The following GALNTL6 variants were observed in gnomAD, a reference collection of about 807,000 sequenced individuals.
GALNTL6 encodes the protein polypeptide N-acetylgalactosaminyltransferase-like 6.
A neutral mutation model predicts 73.7 loss-of-function variants in GALNTL6; 46 were observed. That is an observed-to-expected ratio of 0.62 (90% CI 0.49 to 0.80). GALNTL6 has a LOEUF of 0.80. Among genes scored for constraint, GALNTL6 ranks in the 30% least tolerant of loss-of-function variants. The pLI is 0.00. For synonymous variants in GALNTL6, 259 were observed against 263.7 expected, an observed-to-expected ratio of 0.98 and a Z score of 0.17; for missense variants, 604 against 755.0, an observed-to-expected ratio of 0.80 and a Z score of 2.34.
Position 172,587,150 on chromosome 4 carries a change from G to A in GALNTL6, c.554-222211G>A, listed in dbSNP as rs553042033. Among the ~76,000 whole-genome samples, 6 of 152,174 alleles carry A rather than the reference G, an allele frequency of 3.9e-5. No individual in the cohort carries two copies. The South Asian group carries it at 8.3e-4, about 21-fold the overall frequency. ...AGAAAATTGTGTAGAAAAAATGTAC[G>A]ATCCCCTGTTCACCTGTTCTGGTTA... is the stretch of plus-strand genomic sequence containing the variant. On this transcript the variant is annotated intron_variant, in intron 5 of 12. Transcript: ENST00000506823.
At chr4:171,962,612 T>C (rs927369063) in intron 2 of GALNTL6, among the ~76,000 whole-genome samples, 1 of 152,058 alleles carries the variant, frequency 6.6e-6, no homozygotes, top group Admixed American at 6.6e-5. Flanking sequence ...AATTGCCCAC[T>C]CCTTTCCTGG....
At chr4:172,823,352 A>G (rs550539132) in intron 7 of GALNTL6, among the ~76,000 whole-genome samples, 1 of 152,234 alleles carries the variant, frequency 6.6e-6, no homozygotes, top group African/African-American at 2.4e-5. Context: ...TTTTTTCCTA[A>G]TCATTTCAAC....
intron 5 of GALNTL6, among the ~76,000 whole-genome samples, chr4:172,425,627 T>C (rs539161613): frequency 4.6e-5 from 7 of 151,946 alleles, no homozygotes; most frequent in Non-Finnish European, 1.0e-4. Flanking sequence ...TAAGAGCAAA[T>C]AGTACCCTAG....
intron 10 of GALNTL6, among the ~76,000 whole-genome samples, chr4:172,953,822 T>C (rs1050380765): frequency 1.3e-5 from 2 of 152,256 alleles, no homozygotes; most frequent in African/African-American, 4.8e-5. Context: ...TTAAACATTT[T>C]ATTAAAACAT....
chr4:172,274,303 T>A (rs1738756439), intron 3 of GALNTL6, among the ~76,000 whole-genome samples: 1 of 152,214 alleles, frequency 6.6e-6, no homozygotes, highest in Non-Finnish European at 1.5e-5. Flanking sequence ...CCTAGACTAT[T>A]TAAATGATTT....
In GALNTL6 at chr4:172,714,808, G is replaced by T. The variant is rs927928379; in HGVS notation, c.554-94553G>T. 4.6e-5 allele frequency among the ~76,000 whole-genome samples: 7 copies of T among 152,076 alleles called. No homozygotes were observed. In the East Asian group the frequency reaches 1.2e-3, roughly 25 times the overall value. ...CTGGTGGCAATGGGTGAGCGTAAGG[G>T]CTATGCCATCTTAGAAGACTTTATG... is the stretch of plus-strand genomic sequence containing the variant. On this transcript the variant is annotated intron_variant, in intron 5 of 12. Coordinates refer to ENST00000506823, the MANE Select transcript of GALNTL6 (RefSeq NM_001034845.3).
intron 2 of GALNTL6, among the ~76,000 whole-genome samples, chr4:172,092,201 A>T (rs1183908035): frequency 6.6e-6 from 1 of 152,162 alleles, no homozygotes; most frequent in Non-Finnish European, 1.5e-5. Context: ...GCCATGGTTA[A>T]ACATGCAATT....
chr4:172,843,599 T>C (rs1023068202), intron 7 of GALNTL6, among the ~76,000 whole-genome samples: 16 of 152,158 alleles, frequency 1.1e-4, no homozygotes, highest in African/African-American at 3.9e-4. Flanking sequence ...GTTCTGAAAA[T>C]AGCAGTCATT....
chr4:172,670,599 TTGTC>T (rs139676457), intron 5 of GALNTL6, among the ~76,000 whole-genome samples: 2,808 of 152,234 alleles, frequency 0.018, 80 homozygotes, highest in African/African-American at 0.063. Context: ...ATTCCATAGG[TTGTC>T]TGTTCACTTT....
In GALNTL6 at chr4:172,028,277, G is replaced by A. The variant is rs186511572; in HGVS notation, c.139-201379G>A. 3.3e-5 allele frequency among the ~76,000 whole-genome samples: 5 copies of A among 150,724 alleles called. No individual in the cohort carries two copies. The East Asian group carries it at 9.8e-4, about 29-fold the overall frequency. On this transcript the variant is annotated intron_variant, in intron 2 of 12. Coordinates refer to ENST00000506823, the MANE Select transcript of GALNTL6 (RefSeq NM_001034845.3). ...TGATGAATTGCAATTTATTGTGGTA[G>A]TGCGAAATGAAAAAAAAAGTATAAA... is the stretch of plus-strand genomic sequence containing the variant.
chr4:172,736,850 G>C (rs1736498489), intron 5 of GALNTL6, among the ~76,000 whole-genome samples: 1 of 152,168 alleles, frequency 6.6e-6, no homozygotes, highest in Admixed American at 6.5e-5. Flanking sequence ...TTTCCAAGCT[G>C]TTCTTCTGAG....
At chr4:172,299,787 A>G (rs1322003751) in intron 3 of GALNTL6, among the ~76,000 whole-genome samples, 1 of 152,204 alleles carries the variant, frequency 6.6e-6, no homozygotes, top group Admixed American at 6.5e-5. Flanking sequence ...TTTACTTCCA[A>G]CTATGTGGTC....
intron 2 of GALNTL6, among the ~76,000 whole-genome samples, chr4:172,078,806 T>G (rs923541407): frequency 1.3e-5 from 2 of 152,206 alleles, no homozygotes; most frequent in Admixed American, 1.3e-4. Flanking sequence ...TTTCCAATTT[T>G]GAGTGCATTT....
At chr4:172,994,975 G>T (rs1751711292) in intron 10 of GALNTL6, among the ~76,000 whole-genome samples, 2 of 152,164 alleles carry the variant, frequency 1.3e-5, no homozygotes, top group African/African-American at 4.8e-5. Context: ...TTCAAAGGGA[G>T]AATTATTTTA....
chr4:171,847,348 C>T (rs576213814), intron 2 of GALNTL6, among the ~76,000 whole-genome samples: 2 of 152,236 alleles, frequency 1.3e-5, no homozygotes, highest in Non-Finnish European at 2.9e-5. Context: ...GTTTACGAGC[C>T]TCCAGTGGTT....
chr4:172,911,201 T>C (rs1157042490), intron 8 of GALNTL6, among the ~76,000 whole-genome samples: 2 of 152,254 alleles, frequency 1.3e-5, no homozygotes, highest in African/African-American at 4.8e-5. Flanking sequence ...AAACTCAATC[T>C]CATTTTACGA....
At chr4:172,891,842 CT>C (rs1369326897) in intron 8 of GALNTL6, among the ~76,000 whole-genome samples, 1 of 151,966 alleles carries the variant, frequency 6.6e-6, no homozygotes, top group Non-Finnish European at 1.5e-5. Context: ...ATTTTTGATT[CT>C]TTTTTATTTT....
intron 2 of GALNTL6, among the ~76,000 whole-genome samples, chr4:172,090,924 T>G (rs1053644165): frequency 6.6e-6 from 1 of 152,174 alleles, no homozygotes; most frequent in Non-Finnish European, 1.5e-5. Context: ...GCTAGCCAGT[T>G]TTCCCCAACA....
intron 2 of GALNTL6, among the ~76,000 whole-genome samples, chr4:172,195,531 G>A (rs749209559): frequency 9.2e-5 from 14 of 152,008 alleles, no homozygotes; most frequent in Non-Finnish European, 2.1e-4. Context: ...CCACATAACT[G>A]GAAGTAAAAC....
Sources: allele counts gnomAD v4.1 joint callset (sites outside exome capture counted in the v4.1 genomes callset), GRCh38; gene constraint gnomAD v4.1.1; transcripts MANE v1.5; gene names NCBI Gene and HGNC (gene_info 2026-07-23, HGNC 2026-07-21).